Variants in SGK2 observed in about 807,000 individuals in gnomAD.
The protein encoded by SGK2 is serum/glucocorticoid regulated kinase 2.
In SGK2, 36 loss-of-function variants were observed where a neutral mutation model predicts 47.5. The observed-to-expected ratio is 0.76, with a 90% CI of 0.58 to 1.00. SGK2 has a LOEUF of 1.00. Among genes scored for constraint, SGK2 ranks in the 50% least tolerant of loss-of-function variants. The pLI is 0.00. For synonymous variants in SGK2, 157 were observed against 181.9 expected (o/e 0.86, Z 1.10); for missense variants, 404 against 467.4 (o/e 0.86, Z 1.25).
intron 1 of SGK2, 173 bp from the exon 2 acceptor site, chr20:43,566,300 A>G: frequency 6.3e-7 from 1 of 1,590,774 alleles, no homozygotes; most frequent in Non-Finnish European, 8.6e-7. Context: ...AGGGGATATC[A>G]TTTCTTGTTC....
Position 43,572,183 on chromosome 20 carries a change from G to T in SGK2, c.597+46G>T. 7.2e-7 allele frequency: 1 copy of T among 1,395,758 alleles called. No individual in the cohort carries two copies. Among genetic ancestry groups the T allele is most frequent in the South Asian group, 1.2e-5 (1 of 80,834 alleles). The allele number at this position is 1,395,758 out of a possible 1,614,324, so 86.5% of individuals were successfully genotyped here. A position where few individuals can be genotyped will look rare whatever the true frequency, so the allele number is the denominator to read the frequency against. On this transcript the variant is annotated intron_variant, in intron 9 of 12. Coordinates refer to ENST00000373100, the MANE Select transcript of SGK2 (RefSeq NM_170693.3). The surrounding 1 kb of genome is among the most constrained non-coding windows in gnomAD (Gnocchi z 4.2). The stretch of plus-strand genomic sequence containing the variant: ...AGAGGGGAGGTCATGAGTGGGTGAG[G>T]CCACAGCTCCTGATTAGAGCCAACA...
At chr20:43,569,764 C>T (rs1467181919) in intron 6 of SGK2, 3 of 470,960 alleles carry the variant, frequency 6.4e-6, no homozygotes, top group Non-Finnish European at 1.2e-5. Context: ...TCTTGCCTTC[C>T]TCATTCAGAG....
At chr20:43,574,604 G>T (rs1296432519) in intron 9 of SGK2, among the ~76,000 whole-genome samples, 1 of 152,234 alleles carries the variant, frequency 6.6e-6, no homozygotes, top group African/African-American at 2.4e-5. Flanking sequence ...TTGCGGCTTG[G>T]TGAGTGGATT....
chr20:43,563,237 G>A (rs911219078), intron 1 of SGK2, among the ~76,000 whole-genome samples: 15 of 152,096 alleles, frequency 9.9e-5, no homozygotes, highest in Admixed American at 4.6e-4. Context: ...GAACAAGTAC[G>A]TGTAGACAGA....
chr20:43,570,920 T>C, intron 7 of SGK2, 104 bp from the exon 8 acceptor site: 2 of 1,565,708 alleles, frequency 1.3e-6, no homozygotes, highest in Non-Finnish European at 1.8e-6. Context: ...TCTGGCAACC[T>C]CCATGAATAG....
chr20:43,580,498 C>T (rs1980724458), intron 12 of SGK2, among the ~76,000 whole-genome samples: 1 of 151,980 alleles, frequency 6.6e-6, no homozygotes, highest in Non-Finnish European at 1.5e-5. Context: ...GAGGCTGAGG[C>T]GGGTAGATCA....
At chr20:43,569,263 A>C in intron 5 of SGK2, 122 bp from the exon 6 acceptor site, 1 of 1,279,732 alleles carries the variant, frequency 7.8e-7, no homozygotes, top group Non-Finnish European at 1.1e-6. Context: ...TGGGTGTTTG[A>C]GCAGGGGCAT....
At chr20:43,577,742 C>T (rs78904566) in intron 11 of SGK2, among the ~76,000 whole-genome samples, 4,618 of 151,568 alleles carry the variant, frequency 0.03, 100 homozygotes, top group Middle Eastern at 0.097. Flanking sequence ...CTCCCAGGTT[C>T]AAGCAATTCT....
intron 12 of SGK2, among the ~76,000 whole-genome samples, chr20:43,581,272 T>C (rs995486251): frequency 4.6e-5 from 7 of 152,162 alleles, no homozygotes; most frequent in African/African-American, 1.7e-4. Context: ...CTTTTTTGGC[T>C]AAAAACTATG....
chr20:43,582,586 C>T lies in SGK2; in HGVS notation c.940-2266C>T, dbSNP rs567334326. Among the ~76,000 whole-genome samples, 4 of 151,562 alleles carry T rather than the reference C, an allele frequency of 2.6e-5. No homozygotes were observed. The East Asian group carries it at 7.8e-4, about 29-fold the overall frequency. ...TATTTTTAGTAGAGATGGGGTTTTA[C>T]TATGTTGGCCAGGCTGGTCTTGAAC... On this transcript the variant is annotated intron_variant, in intron 12 of 12. Coordinates refer to ENST00000373100, the MANE Select transcript of SGK2 (RefSeq NM_170693.3).
At chr20:43,583,786 T>C (rs572795130) in intron 12 of SGK2, 4 of 177,998 alleles carry the variant, frequency 2.2e-5, no homozygotes, top group Admixed American at 6.5e-5. Flanking sequence ...CTGGTCAACA[T>C]GGCGAGACCC....
chr20:43,569,495 C>G lies in SGK2; in HGVS notation c.339C>G (p.Leu113=), dbSNP rs761358833. The G allele has an allele frequency of 1.2e-6, 2 of 1,613,368 alleles. No homozygotes were observed. The highest frequency in any genetic ancestry group is 1.1e-5 in the South Asian group (1 of 91,046). The stretch of plus-strand genomic sequence containing the variant: ...CACCTGAGAAGCTCTACTTCGTGCT[C>G]GACTATGTCAACGGGGGAGAGGTGG... ...FQTPEKLYFV[L]DYVNGGELFF... is the part of the protein sequence containing the mutation. The change falls in exon 6 of 13, where the codon CTC becomes CTG. Residue 113 remains leucine, a synonymous_variant. Transcript: ENST00000373100.
rs1353819680 is a variant in SGK2 at position 43,584,899 on chromosome 20, A to C, written c.987A>C (p.Glu329Asp). ...ATTTTGACCCAGAGTTCACCCAGGA[A>C]GCTGTGTCCAAGTCCATTGGCTGTA... ...LKHFDPEFTQ[E>D]AVSKSIGCTP... The change falls in exon 13 of 13, where the codon GAA becomes GAC. Residue 329 changes from glutamate to aspartate, a missense_variant. Physicochemically the swap from Glu to Asp is conservative, Grantham distance 45. Coordinates refer to ENST00000373100, the MANE Select transcript of SGK2 (RefSeq NM_170693.3). 6.2e-7 allele frequency: 1 copy of C among 1,614,110 alleles called. No homozygotes were observed. Among genetic ancestry groups the C allele is most frequent in the Admixed American group, 1.7e-5 (1 of 60,014 alleles).
intron 1 of SGK2, among the ~76,000 whole-genome samples, chr20:43,559,701 C>G (rs3127062): frequency 6.6e-6 from 1 of 152,076 alleles, no homozygotes; most frequent in African/African-American, 2.4e-5. Context: ...TGCATGGGAT[C>G]GGAGGGTCAT....
rs1979373953 is a variant in SGK2, at chr20:43,561,464, A to G, written c.-24+2305A>G. Among the ~76,000 whole-genome samples, 6 of 143,152 alleles carry G rather than the reference A, an allele frequency of 4.2e-5. No individual in the cohort carries two copies. The South Asian group carries it at 1.3e-3, about 31-fold the overall frequency. 93.9% of individuals were successfully genotyped at this position (143,152 alleles called of 152,430 possible). ...GAGTGCAGTGGCGTGATCTCAGCTC[A>G]CTGCAACCTCTGCCTCCTGGGTTCA... On this transcript the variant is annotated intron_variant, in intron 1 of 12. Coordinates refer to ENST00000373100, the MANE Select transcript of SGK2 (RefSeq NM_170693.3).
intron 7 of SGK2, 21 bp from the exon 8 acceptor site, chr20:43,571,003 G>A (rs367725006): frequency 3.7e-6 from 6 of 1,612,094 alleles, no homozygotes; most frequent in Non-Finnish European, 5.1e-6. Flanking sequence ...CCTCAAGGCT[G>A]TTTTCTCTTA....
intron 1 of SGK2, chr20:43,565,018 C>T (rs1188993380): frequency 2.0e-5 from 3 of 152,466 alleles, no homozygotes; most frequent in South Asian, 4.1e-4. Context: ...GGCTATTGCC[C>T]ACCCCTCCCA....
chr20:43,567,560 CTG>C, intron 3 of SGK2, 103 bp from the exon 4 acceptor site: 2 of 1,040,436 alleles, frequency 1.9e-6, no homozygotes, highest in Non-Finnish European at 2.9e-6. Context: ...GGAAGGCTCT[CTG>C]TATTTCCCCA....
rs1265183436 is a variant in SGK2 at position 43,576,216 on chromosome 20, C to A, written c.694-8C>A. On this transcript the variant is annotated splice_polypyrimidine_tract_variant and splice_region_variant and intron_variant, in intron 10 of 12. Coordinates refer to ENST00000373100, the MANE Select transcript of SGK2 (RefSeq NM_170693.3). ...GTGATCCTCCAGCTGTTCTCCCTCT[C>A]TCCCCAGCCGCCCTTCTACAGCCAA... 6.2e-7 allele frequency: 1 copy of A among 1,613,536 alleles called. No individual in the cohort carries two copies. Among genetic ancestry groups the A allele is most frequent in the Admixed American group, 1.7e-5 (1 of 59,968 alleles).
Sources: allele counts gnomAD v4.1 joint callset (sites outside exome capture counted in the v4.1 genomes callset), GRCh38; gene constraint gnomAD v4.1.1; non-coding constraint Gnocchi (gnomAD v3.1); transcripts MANE v1.5; gene names NCBI Gene and HGNC (gene_info 2026-07-23, HGNC 2026-07-21).